MAP7: variants seen among roughly 807,000 people sequenced by gnomAD.
MAP7 encodes microtubule associated protein 7, also known as ensconsin.
MAP7 carries 52 observed loss-of-function variants against 94.8 expected under a neutral mutation model. The ratio of observed to expected loss-of-function variants is 0.55; its 90% CI spans 0.44 to 0.69. The LOEUF is 0.69. Among genes scored for constraint, MAP7 ranks in the 30% least tolerant of loss-of-function variants. MAP7 has a pLI of 0.00. For missense variants in MAP7, 940 were observed against 964.6 expected, an observed-to-expected ratio of 0.97 and a Z score of 0.34; for synonymous variants, 350 against 357.0, an observed-to-expected ratio of 0.98 and a Z score of 0.22.
In MAP7 at chr6:136,414,633, AC is replaced by A. The variant is rs1349641202; in HGVS notation, c.167-2937del. Among the ~76,000 whole-genome samples the A allele has an allele frequency of 6.6e-5, 10 of 151,880 alleles. 1 individual carries two copies. The highest frequency in any genetic ancestry group is 4.6e-4 in the Admixed American group (7 of 15,244). ...ATACTCCTTAAATAATATGAGGTTT[AC>A]TCACTCATGAAAAACTTTTTTTTTT... On this transcript the variant is annotated intron_variant, in intron 2 of 17. Coordinates refer to ENST00000354570, the MANE Select transcript of MAP7 (RefSeq NM_003980.6).
In MAP7 at chr6:136,465,165, T is replaced by C. The variant is rs370598065; in HGVS notation, c.68-43366A>G. 5.1e-4 allele frequency among the ~76,000 whole-genome samples: 77 copies of C among 152,334 alleles called. 1 individual carries two copies. The South Asian group carries it at 8.7e-3, about 17-fold the overall frequency. ...ACTGAAATTTGAATTTATGGAAACATGCAGCTTCTGTGTTATCTACTTTTG... is the reference window on the plus strand; with the variant it reads ...ACTGAAATTTGAATTTATGGAAACACGCAGCTTCTGTGTTATCTACTTTTG... On this transcript the variant is annotated intron_variant, in intron 1 of 17. Transcript: ENST00000354570.
At chr6:136,464,780 T>A (rs1482711182) in intron 1 of MAP7, among the ~76,000 whole-genome samples, 1 of 152,228 alleles carries the variant, frequency 6.6e-6, no homozygotes, top group Non-Finnish European at 1.5e-5. Flanking sequence ...ATTAATTTGA[T>A]AATTAAGTGC....
In MAP7 at chr6:136,538,860, A is replaced by T. The variant is rs1483679917; in HGVS notation, c.67+11482T>A. Among the ~76,000 whole-genome samples the T allele has an allele frequency of 4.6e-5, 7 of 151,908 alleles. No individual in the cohort carries two copies. In the East Asian group the frequency reaches 1.4e-3, roughly 29 times the overall value. On this transcript the variant is annotated intron_variant, in intron 1 of 17. Coordinates refer to ENST00000354570, the MANE Select transcript of MAP7 (RefSeq NM_003980.6). ...TTATGGGTGTTTAGCGTGATCACAT[A>T]ACACAATCTAAGGGTCTCACAGGCC...
At chr6:136,488,291 AAT>A (rs1815412476) in intron 1 of MAP7, among the ~76,000 whole-genome samples, 1 of 152,202 alleles carries the variant, frequency 6.6e-6, no homozygotes, top group African/African-American at 2.4e-5. Flanking sequence ...AGAAGAAAAC[AAT>A]ATGTTTTCCA....
chr6:136,344,240 T>C lies in MAP7; in HGVS notation c.2240-2A>G, dbSNP rs761415798. The C allele has an allele frequency of 7.5e-7, 1 of 1,327,350 alleles. No homozygotes were observed. The highest frequency in any genetic ancestry group is 1.0e-6 in the Non-Finnish European group (1 of 994,450). 82.2% of individuals were successfully genotyped at this position (1,327,350 alleles called of 1,614,324 possible). ...TCAGAAGAAACACTCATATAACTTC[T>C]ACATGAAGAGACAGAAAAAGAACAA... On this transcript the variant is annotated splice_acceptor_variant, in intron 17 of 17. Coordinates refer to ENST00000354570, the MANE Select transcript of MAP7 (RefSeq NM_003980.6). LOFTEE classifies it high-confidence loss of function.
intron 1 of MAP7, among the ~76,000 whole-genome samples, chr6:136,462,693 G>A (rs1316830143): frequency 6.6e-6 from 1 of 152,182 alleles, no homozygotes; most frequent in South Asian, 2.1e-4. Context: ...TGAGTGTGGT[G>A]GCTCACACCT....
At chr6:136,483,403 T>G (rs9494523) in intron 1 of MAP7, among the ~76,000 whole-genome samples, 1 of 151,872 alleles carries the variant, frequency 6.6e-6, no homozygotes, top group African/African-American at 2.4e-5. Context: ...TACTACCTAT[T>G]GGGTACCATG....
At chr6:136,475,939 T>C (rs930934933) in intron 1 of MAP7, 4 of 152,240 alleles carry the variant, frequency 2.6e-5, no homozygotes, top group African/African-American at 7.2e-5. Context: ...ATGATACTTA[T>C]GTTTCATCAT....
intron 1 of MAP7, among the ~76,000 whole-genome samples, chr6:136,480,682 T>C (rs1235286878): frequency 1.4e-5 from 2 of 144,828 alleles, no homozygotes; most frequent in Non-Finnish European, 1.5e-5. Context: ...AAAGAAAACG[T>C]TGGGGAAACT....
intron 1 of MAP7, among the ~76,000 whole-genome samples, chr6:136,450,338 C>T (rs1424596117): frequency 2.0e-5 from 3 of 152,022 alleles, no homozygotes; most frequent in Non-Finnish European, 4.4e-5. Flanking sequence ...CAATTTCCCA[C>T]TAACAATATC....
chr6:136,541,638 C>G (rs902589394), intron 1 of MAP7, among the ~76,000 whole-genome samples: 14 of 152,200 alleles, frequency 9.2e-5, no homozygotes, highest in Admixed American at 3.9e-4. Flanking sequence ...TCAGGTGTGT[C>G]AATCCTCCTT....
chr6:136,413,034 C>T (rs531654526), intron 2 of MAP7, among the ~76,000 whole-genome samples: 21 of 152,136 alleles, frequency 1.4e-4, no homozygotes, highest in East Asian at 1.2e-3. Flanking sequence ...TGGCAGCGTG[C>T]GCCTGTAGTC....
At chr6:136,397,356 C>T (rs1209629902) in intron 3 of MAP7, among the ~76,000 whole-genome samples, 1 of 151,632 alleles carries the variant, frequency 6.6e-6, no homozygotes, top group East Asian at 1.9e-4. Context: ...AAAATCAAGC[C>T]TATTAGGTTT....
Position 136,344,024 on chromosome 6 carries a change from G to A in MAP7, c.*204C>T, listed in dbSNP as rs1198620168. 5 of 332,426 alleles carry A rather than the reference G, an allele frequency of 1.5e-5. No homozygotes were observed. Among genetic ancestry groups the A allele is most frequent in the African/African-American group, 2.1e-5 (1 of 47,258 alleles). The allele number at this position is 332,426 out of a possible 1,614,324, so 20.6% of individuals were successfully genotyped here. The stretch of plus-strand genomic sequence containing the variant: ...ATTTTAAAGTATTGAAGAATGAGAC[G>A]TATTTCTTTTTTCCTATTGATGAAA... On this transcript the variant is annotated 3_prime_UTR_variant, in exon 18 of 18. Coordinates refer to ENST00000354570, the MANE Select transcript of MAP7 (RefSeq NM_003980.6).
chr6:136,345,950 T>C lies in MAP7; in HGVS notation c.2145A>G (p.Pro715=), dbSNP rs1311014850. 6.2e-6 allele frequency: 10 copies of C among 1,614,142 alleles called. No homozygotes were observed. The highest frequency in any genetic ancestry group is 1.7e-5 in the Admixed American group (1 of 60,014). The change falls in exon 17 of 18, where the codon CCA becomes CCG. Residue 715 remains proline (P), a synonymous_variant. Coordinates refer to ENST00000354570, the MANE Select transcript of MAP7 (RefSeq NM_003980.6). ...SRLDVTNSES[P]EIPLNPILAF... ...CCAAAATTGGATTCAAAGGAATTTCTGGGCTCTCACTGTTGGTGACATCTA... is the reference window on the plus strand; with the variant it reads ...CCAAAATTGGATTCAAAGGAATTTCCGGGCTCTCACTGTTGGTGACATCTA...
intron 2 of MAP7, among the ~76,000 whole-genome samples, chr6:136,417,757 T>A (rs1242498410): frequency 6.6e-6 from 1 of 152,192 alleles, no homozygotes; most frequent in Admixed American, 6.5e-5. Context: ...CCATGGCAGC[T>A]ACAGTCATTA....
chr6:136,496,804 A>G (rs944740438), intron 1 of MAP7, among the ~76,000 whole-genome samples: 37 of 145,584 alleles, frequency 2.5e-4, no homozygotes, highest in Non-Finnish European at 3.4e-4. Context: ...AAAAAAAAAA[A>G]TTAGCTAGGA....
chr6:136,483,498 C>T (rs1021224635), intron 1 of MAP7, among the ~76,000 whole-genome samples: 2 of 152,002 alleles, frequency 1.3e-5, no homozygotes, highest in African/African-American at 2.4e-5. Flanking sequence ...CACATGTACC[C>T]TTGATATAAA....
intron 1 of MAP7, among the ~76,000 whole-genome samples, chr6:136,479,160 A>G (rs774577104): frequency 7.2e-5 from 11 of 152,200 alleles, no homozygotes; most frequent in Middle Eastern, 3.2e-3. Context: ...CATTAAAAAG[A>G]TCATTCATCA....
Sources: gnomAD v4.1 joint callset for allele counts (sites outside exome capture counted in the v4.1 genomes callset) on GRCh38, gnomAD v4.1.1 for gene constraint, MANE v1.5 for transcripts, NCBI Gene and HGNC (gene_info 2026-07-23, HGNC 2026-07-21) for gene names.